MAP2K4: variants seen among roughly 807,000 people sequenced by gnomAD.
The protein encoded by MAP2K4 is mitogen-activated protein kinase kinase 4, also known as dual specificity mitogen-activated protein kinase kinase 4.
Under a neutral mutation model 48.5 loss-of-function variants are expected in MAP2K4, and 4 were observed. The observed-to-expected ratio is 0.08, with a 90% CI of 0.04 to 0.19. The LOEUF (loss-of-function observed/expected upper bound fraction) is 0.19. MAP2K4 is among the 10% of genes least tolerant of loss of function. MAP2K4 has a pLI of 1.00. For synonymous variants in MAP2K4, 166 were observed against 173.1 expected, an observed-to-expected ratio of 0.96 and a Z score of 0.32; for missense variants, 258 against 493.3, an observed-to-expected ratio of 0.52 and a Z score of 4.52.
intron 7 of MAP2K4, among the ~76,000 whole-genome samples, chr17:12,123,698 A>G (rs915453723): frequency 3.3e-5 from 5 of 152,166 alleles, no homozygotes; most frequent in African/African-American, 1.2e-4. Context: ...CACTACTTCT[A>G]TATCCCACAA....
At chr17:12,049,553 A>G (rs58537276) in intron 1 of MAP2K4, among the ~76,000 whole-genome samples, 2,085 of 152,350 alleles carry the variant, frequency 0.014, 17 homozygotes, top group East Asian at 0.047. Context: ...TAGTAGGTCT[A>G]TTAGGAAGAC....
At chr17:12,110,274 G>A in intron 5 of MAP2K4, 101 bp from the exon 6 acceptor site, 3 of 757,264 alleles carry the variant, frequency 4.0e-6, no homozygotes, top group Middle Eastern at 2.3e-4. Flanking sequence ...AGCTTAAAAT[G>A]TATGCAGAGG....
chr17:12,073,132 A>G (rs1970874285), intron 2 of MAP2K4, among the ~76,000 whole-genome samples: 1 of 152,242 alleles, frequency 6.6e-6, no homozygotes, highest in Non-Finnish European at 1.5e-5. Flanking sequence ...GATAATGGAT[A>G]CTAATAGTAA....
intron 2 of MAP2K4, among the ~76,000 whole-genome samples, chr17:12,079,836 C>T (rs1044455391): frequency 6.6e-6 from 1 of 152,102 alleles, no homozygotes; most frequent in Non-Finnish European, 1.5e-5. Flanking sequence ...CTATTTTTGC[C>T]TAGACCTGAT....
intron 2 of MAP2K4, among the ~76,000 whole-genome samples, chr17:12,060,369 T>G (rs1264952075): frequency 1.3e-5 from 2 of 152,100 alleles, no homozygotes; most frequent in Non-Finnish European, 2.9e-5. Flanking sequence ...TAAGCCAGCC[T>G]TGCACTGCCT....
rs904846979 is a variant in MAP2K4, at chr17:12,081,622, G to A, written c.393+92G>A. The A allele has an allele frequency of 1.5e-6, 2 of 1,292,860 alleles. No individual in the cohort carries two copies. The highest frequency in any genetic ancestry group is 2.2e-6 in the Non-Finnish European group (2 of 928,308). The allele number at this position is 1,292,860 out of a possible 1,614,324, so 80.1% of individuals were successfully genotyped here. A position where few individuals can be genotyped will look rare whatever the true frequency, so the allele number is the denominator to read the frequency against. On this transcript the variant is annotated intron_variant, in intron 3 of 10. Coordinates refer to ENST00000353533, the MANE Select transcript of MAP2K4 (RefSeq NM_003010.4). The surrounding 1 kb of genome is among the most constrained non-coding windows in gnomAD (Gnocchi z 4.2). ...CCACTGTTGTTGTGTTCCTACTTTT[G>A]TGGTAAATGTGGGTGTTTAAAAAAT...
At chr17:12,097,929 C>T (rs1971812687) in intron 4 of MAP2K4, among the ~76,000 whole-genome samples, 1 of 152,142 alleles carries the variant, frequency 6.6e-6, no homozygotes, top group Non-Finnish European at 1.5e-5. Flanking sequence ...TGTACAAAGA[C>T]ACAAAATACC....
At chr17:12,077,376 C>A (rs534504500) in intron 2 of MAP2K4, among the ~76,000 whole-genome samples, 167 of 152,252 alleles carry the variant, frequency 1.1e-3, no homozygotes, top group African/African-American at 4.0e-3. Context: ...ATGCTAGGGG[C>A]TGTATTAATT....
rs189006905 is a variant in MAP2K4, at chr17:12,117,740, A to G, written c.813+4380A>G. ...GGAAGTGTTTATGTTTATAGCACAG[A>G]AAGTCAAGCTGTTAGAGAAACTGGA... On this transcript the variant is annotated intron_variant, in intron 7 of 10. Transcript: ENST00000353533. Among the ~76,000 whole-genome samples the G allele has an allele frequency of 5.3e-5, 8 of 152,334 alleles. No individual in the cohort carries two copies. The East Asian group carries it at 1.5e-3, about 29-fold the overall frequency.
In MAP2K4 at chr17:12,141,689, G is replaced by A. The variant is rs1273702690; in HGVS notation, c.*429G>A. 2 of 243,046 alleles carry A rather than the reference G, an allele frequency of 8.2e-6. No individual in the cohort carries two copies. The highest frequency in any genetic ancestry group is 1.6e-5 in the Non-Finnish European group (2 of 124,014). The allele number at this position is 243,046 out of a possible 1,614,324, so 15.1% of individuals were successfully genotyped here. On this transcript the variant is annotated 3_prime_UTR_variant, in exon 11 of 11. Transcript: ENST00000353533. ...TGAACATAGAAACTCGGGCTTGAGT[G>A]AGAAGAGCTTGCACAGCCAACGAGA...
At chr17:12,106,691 A>G (rs1972125119) in intron 4 of MAP2K4, among the ~76,000 whole-genome samples, 1 of 152,178 alleles carries the variant, frequency 6.6e-6, no homozygotes, top group Non-Finnish European at 1.5e-5. Flanking sequence ...ACAGAACTGT[A>G]TAATTTTTTA....
At chr17:12,102,479 TG>T (rs1441508103) in intron 4 of MAP2K4, among the ~76,000 whole-genome samples, 2 of 152,158 alleles carry the variant, frequency 1.3e-5, no homozygotes, top group Admixed American at 1.3e-4. Context: ...GAGACATTGA[TG>T]TATAGTTTTC....
At chr17:12,037,928 A>C (rs1405853748) in intron 1 of MAP2K4, among the ~76,000 whole-genome samples, 2 of 152,136 alleles carry the variant, frequency 1.3e-5, no homozygotes, top group Non-Finnish European at 2.9e-5. Context: ...TGGGAACATG[A>C]ATTTGTCCTG....
At chr17:12,079,734 C>A (rs1971129030) in intron 2 of MAP2K4, among the ~76,000 whole-genome samples, 1 of 152,164 alleles carries the variant, frequency 6.6e-6, no homozygotes, top group African/African-American at 2.4e-5. Flanking sequence ...GATTATAGAA[C>A]AATAATCATT....
At chr17:12,031,541 A>G (rs1012064140) in intron 1 of MAP2K4, among the ~76,000 whole-genome samples, 4 of 152,202 alleles carry the variant, frequency 2.6e-5, no homozygotes, top group African/African-American at 9.7e-5. Flanking sequence ...GGCTTACTTT[A>G]CTGGATGCAT....
At chr17:12,044,258 A>T (rs1307082778) in intron 1 of MAP2K4, among the ~76,000 whole-genome samples, 1 of 152,090 alleles carries the variant, frequency 6.6e-6, no homozygotes, top group East Asian at 1.9e-4. Context: ...GTAATCCCAT[A>T]ATGGGTTGTC....
At chr17:12,051,555 C>T (rs1970139316) in intron 1 of MAP2K4, among the ~76,000 whole-genome samples, 1 of 152,194 alleles carries the variant, frequency 6.6e-6, no homozygotes, top group Non-Finnish European at 1.5e-5. Context: ...GATGATATGA[C>T]AGTCCCACCA....
rs767202484 is a variant in MAP2K4, at chr17:12,129,306, A to T, written c.1040+19A>T. On this transcript the variant is annotated intron_variant, in intron 9 of 10. Transcript: ENST00000353533. Reference sequence around the variant, plus strand: ...ACTTGTGGTGAGTACCTGATTTATGAATGGTCGAACACGCATGGCGAGAAT... The same window carrying T: ...ACTTGTGGTGAGTACCTGATTTATGTATGGTCGAACACGCATGGCGAGAAT... 4 of 1,614,048 alleles carry T rather than the reference A, an allele frequency of 2.5e-6. No individual in the cohort carries two copies. The highest frequency in any genetic ancestry group is 1.6e-4 in the Middle Eastern group (1 of 6,084).
chr17:12,052,529 C>T (rs566662560), intron 1 of MAP2K4, among the ~76,000 whole-genome samples: 4 of 152,042 alleles, frequency 2.6e-5, no homozygotes, highest in South Asian at 2.1e-4. Context: ...GCTACTATTC[C>T]GTCAAATTGG....
Sources: allele counts gnomAD v4.1 joint callset (sites outside exome capture counted in the v4.1 genomes callset), GRCh38; gene constraint gnomAD v4.1.1; non-coding constraint Gnocchi (gnomAD v3.1); transcripts MANE v1.5; gene names NCBI Gene and HGNC (gene_info 2026-07-23, HGNC 2026-07-21).